XNDC1N: variants seen among roughly 807,000 people sequenced by gnomAD.
XNDC1N encodes the protein protein XNDC1N.
At chr11:71,903,084 G>T in the XNDC1N span, 2 of 551,982 alleles carry the variant, frequency 3.6e-6, no homozygotes, top group Middle Eastern at 5.1e-4. Flanking sequence ...AACATTACTT[G>T]TGAATTGCTT....
chr11:71,920,125 T>A, the XNDC1N span, among the ~76,000 whole-genome samples: 9 of 138,242 alleles, frequency 6.5e-5, no homozygotes, highest in South Asian at 2.3e-4. Flanking sequence ...GCCCAGCTAA[T>A]TTTTTTTGTA....
chr11:71,890,526 C>G, the XNDC1N span, among the ~76,000 whole-genome samples: 56 of 152,156 alleles, frequency 3.7e-4, no homozygotes, highest in African/African-American at 1.3e-3. Flanking sequence ...TCACAAGGGG[C>G]GTGTACACAC....
chr11:71,896,256 G>A, the XNDC1N span, among the ~76,000 whole-genome samples: 1 of 152,142 alleles, frequency 6.6e-6, no homozygotes, highest in African/African-American at 2.4e-5. Flanking sequence ...ACCAACCTGG[G>A]CAACAGAAAG....
chr11:71,923,353 T>C, the XNDC1N span: 3 of 702,826 alleles, frequency 4.3e-6, no homozygotes, highest in African/African-American at 1.7e-5. Context: ...ACAGGAGCCA[T>C]GGTGGGCCCA....
At chr11:71,918,848 G>T in the XNDC1N span, 849 of 700,504 alleles carry the variant, frequency 1.2e-3, 16 homozygotes, top group South Asian at 0.012. Context: ...TCATTCCTGT[G>T]TTCTTCCTCA....
At chr11:71,920,695 TTAGATA>T in the XNDC1N span, among the ~76,000 whole-genome samples, 9 of 152,208 alleles carry the variant, frequency 5.9e-5, no homozygotes, top group Non-Finnish European at 1.0e-4. Flanking sequence ...TAACTGATGC[TTAGATA>T]TAAAGTGATA....
the XNDC1N span, among the ~76,000 whole-genome samples, chr11:71,872,500 G>T: frequency 1.3e-5 from 2 of 152,086 alleles, no homozygotes; most frequent in African/African-American, 4.8e-5. Context: ...GAGGCGGGTG[G>T]ATCACAAGAT....
the XNDC1N span, chr11:71,923,616 C>T: frequency 3.6e-5 from 16 of 438,488 alleles, no homozygotes; most frequent in South Asian, 2.5e-4. Context: ...AGTGCAGTGG[C>T]GCAATCTTGG....
At chr11:71,925,561 C>T in the XNDC1N span, among the ~76,000 whole-genome samples, 4 of 152,246 alleles carry the variant, frequency 2.6e-5, no homozygotes, top group Middle Eastern at 3.4e-3. Context: ...ATTCCCACTA[C>T]GGGAACTCAC....
chr11:71,881,883 A>C, the XNDC1N span, among the ~76,000 whole-genome samples: 1 of 152,316 alleles, frequency 6.6e-6, no homozygotes, highest in East Asian at 1.9e-4. Context: ...AAAAGGAAAA[A>C]TATATGTGTA....
At chr11:71,869,411 C>T in the XNDC1N span, among the ~76,000 whole-genome samples, 1 of 152,170 alleles carries the variant, frequency 6.6e-6, no homozygotes, top group African/African-American at 2.4e-5. Flanking sequence ...CATAATATTC[C>T]ATGGTGTATG....
At chr11:71,897,142 G>T in the XNDC1N span, among the ~76,000 whole-genome samples, 5,814 of 152,196 alleles carry the variant, frequency 0.038, 158 homozygotes, top group Middle Eastern at 0.1. Context: ...GAAAACATTG[G>T]CCACGCTTTC....
At chr11:71,890,917 T>G in the XNDC1N span, among the ~76,000 whole-genome samples, 1 of 152,040 alleles carries the variant, frequency 6.6e-6, no homozygotes, top group African/African-American at 2.4e-5. Context: ...TGAACATCCC[T>G]GCGATATTGA....
chr11:71,869,158 C>T, the XNDC1N span, among the ~76,000 whole-genome samples: 1 of 152,052 alleles, frequency 6.6e-6, no homozygotes, highest in Non-Finnish European at 1.5e-5. Context: ...CCCATTAACT[C>T]GTAATTTACA....
At chr11:71,902,483 G>A in the XNDC1N span, among the ~76,000 whole-genome samples, 3 of 152,146 alleles carry the variant, frequency 2.0e-5, no homozygotes, top group African/African-American at 7.2e-5. Flanking sequence ...GAGCCACCGC[G>A]TCCGGCCAAA....
the XNDC1N span, among the ~76,000 whole-genome samples, chr11:71,915,183 T>C: frequency 1.3e-5 from 2 of 152,110 alleles, no homozygotes; most frequent in Non-Finnish European, 2.9e-5. Flanking sequence ...GCACGGTGGC[T>C]CACGCCTGTA....
At chr11:71,915,596 G>C in the XNDC1N span, among the ~76,000 whole-genome samples, 9 of 152,328 alleles carry the variant, frequency 5.9e-5, no homozygotes, top group South Asian at 1.7e-3. Flanking sequence ...AGGTATGCCT[G>C]TATACATGTG....
chr11:71,884,714 C>G, the XNDC1N span: 1 of 1,107,766 alleles, frequency 9.0e-7, no homozygotes, highest in Non-Finnish European at 1.3e-6. Context: ...AATGCTTACA[C>G]TCTATTTTCA....
At chr11:71,884,893 A>G in the XNDC1N span, among the ~76,000 whole-genome samples, 1 of 151,426 alleles carries the variant, frequency 6.6e-6, no homozygotes, top group Non-Finnish European at 1.5e-5. Flanking sequence ...GCTGGGAGTA[A>G]GAGCCAGCCC....
Sources: gnomAD v4.1 joint callset for allele counts (sites outside exome capture counted in the v4.1 genomes callset) on GRCh38, gnomAD v4.1.1 for gene constraint, MANE v1.5 for transcripts, NCBI Gene and HGNC (gene_info 2026-07-23, HGNC 2026-07-21) for gene names.